VRK1: variants seen among roughly 807,000 people sequenced by gnomAD.
The protein encoded by VRK1 is serine/threonine-protein kinase VRK1.
Under a neutral mutation model 57.1 loss-of-function variants are expected in VRK1, and 33 were observed. The ratio of observed to expected loss-of-function variants is 0.58; its 90% CI spans 0.44 to 0.77. The LOEUF is 0.77. VRK1 is among the 30% of genes least tolerant of loss of function. VRK1 has a pLI of 0.00. For missense variants in VRK1, 413 were observed against 477.3 expected (o/e 0.87, Z 1.25); for synonymous variants, 137 against 147.8 (o/e 0.93, Z 0.53).
At chr14:96,876,877 A>G (rs1196416521) in intron 12 of VRK1, among the ~76,000 whole-genome samples, 1 of 152,050 alleles carries the variant, frequency 6.6e-6, no homozygotes, top group Non-Finnish European at 1.5e-5. Flanking sequence ...CAATAGTTCC[A>G]GAAATGACAT....
At chr14:96,859,264 GTAGT>G (rs79323730) in intron 10 of VRK1, among the ~76,000 whole-genome samples, 27,847 of 151,928 alleles carry the variant, frequency 0.18, 3,203 homozygotes, top group Non-Finnish European at 0.26. Context: ...ACTAGTTCTA[GTAGT>G]TCTTTGTAGA....
At chr14:96,819,273 T>G (rs1038905709) in intron 1 of VRK1, among the ~76,000 whole-genome samples, 3 of 152,216 alleles carry the variant, frequency 2.0e-5, no homozygotes, top group African/African-American at 7.2e-5. Context: ...ATGAATTTAT[T>G]TTTTACCCAA....
In VRK1 at chr14:96,855,364, A is replaced by C. The variant is rs1444299887; in HGVS notation, c.709+8A>C. 6.2e-7 allele frequency: 1 copy of C among 1,614,038 alleles called. No individual in the cohort carries two copies. Among genetic ancestry groups the C allele is most frequent in the East Asian group, 2.2e-5 (1 of 44,866 alleles). On this transcript the variant is annotated splice_region_variant and intron_variant, in intron 8 of 12. Coordinates refer to ENST00000216639, the MANE Select transcript of VRK1 (RefSeq NM_003384.3). ...ATGCACACAATGGCGTGGGTATGTC[A>C]GTAGTACTGGAGTGAGAAATAGACT... is the stretch of plus-strand genomic sequence containing the variant.
chr14:96,854,111 T>G (rs1314099871), intron 7 of VRK1, among the ~76,000 whole-genome samples: 1 of 152,142 alleles, frequency 6.6e-6, no homozygotes, highest in Non-Finnish European at 1.5e-5. Flanking sequence ...ACTATACTAT[T>G]AAGATAGTGT....
chr14:96,822,486 C>T (rs1388121185), intron 1 of VRK1, among the ~76,000 whole-genome samples: 1 of 152,166 alleles, frequency 6.6e-6, no homozygotes, highest in East Asian at 1.9e-4. Context: ...CTATTCTCTA[C>T]TTTTTAGGCA....
At chr14:96,859,661 TTG>T (rs746643098) in intron 10 of VRK1, among the ~76,000 whole-genome samples, 11 of 151,514 alleles carry the variant, frequency 7.3e-5, no homozygotes, top group African/African-American at 1.5e-4. Context: ...ATGCACACGC[TTG>T]TGTGTGTGTG....
At chr14:96,878,228 A>G (rs1288364140) in intron 12 of VRK1, among the ~76,000 whole-genome samples, 1 of 152,254 alleles carries the variant, frequency 6.6e-6, no homozygotes, top group African/African-American at 2.4e-5. Flanking sequence ...GAAAAAGCCA[A>G]GAGTTCATGT....
At chr14:96,808,519 G>A (rs1296977291) in intron 1 of VRK1, among the ~76,000 whole-genome samples, 2 of 152,084 alleles carry the variant, frequency 1.3e-5, no homozygotes, top group African/African-American at 2.4e-5. Flanking sequence ...TCATTTTCTA[G>A]CCCTCAGAAG....
intron 7 of VRK1, among the ~76,000 whole-genome samples, chr14:96,854,905 T>G (rs889123816): frequency 5.9e-5 from 9 of 152,312 alleles, no homozygotes; most frequent in African/African-American, 1.9e-4. Context: ...TAAGATAAAG[T>G]ATAAAATGTA....
chr14:96,833,715 TG>T (rs1887104579), intron 2 of VRK1, 84 bp downstream of exon 2: 2 of 1,589,760 alleles, frequency 1.3e-6, no homozygotes, highest in Non-Finnish European at 8.6e-7. Context: ...TGAGCTGTTA[TG>T]GGATGTTCCT....
intron 10 of VRK1, among the ~76,000 whole-genome samples, chr14:96,859,745 T>C (rs1888309849): frequency 6.6e-6 from 1 of 152,160 alleles, no homozygotes; most frequent in South Asian, 2.1e-4. Context: ...ACTCAGATTT[T>C]GGCTTGAGGA....
At chr14:96,829,624 C>T (rs918865516) in intron 1 of VRK1, among the ~76,000 whole-genome samples, 9 of 152,144 alleles carry the variant, frequency 5.9e-5, no homozygotes, top group Admixed American at 3.3e-4. Context: ...AATAATATCA[C>T]ATAATTACTC....
chr14:96,863,971 C>T (rs931361118), intron 11 of VRK1, among the ~76,000 whole-genome samples: 2 of 152,138 alleles, frequency 1.3e-5, no homozygotes, highest in African/African-American at 4.8e-5. Context: ...TAGTTTCAGT[C>T]GGGTTGCCCT....
chr14:96,817,269 A>G (rs1326667199), intron 1 of VRK1, among the ~76,000 whole-genome samples: 1 of 151,910 alleles, frequency 6.6e-6, no homozygotes, highest in Non-Finnish European at 1.5e-5. Context: ...GTTGGGCTTT[A>G]GTCTTATAAT....
intron 1 of VRK1, among the ~76,000 whole-genome samples, chr14:96,815,311 A>G (rs978523070): frequency 1.3e-5 from 2 of 152,174 alleles, no homozygotes; most frequent in Non-Finnish European, 2.9e-5. Context: ...GGTGTATAAT[A>G]TTCTATCTCT....
intron 1 of VRK1, among the ~76,000 whole-genome samples, chr14:96,830,047 A>T (rs1158475304): frequency 7.5e-6 from 1 of 133,706 alleles, no homozygotes; most frequent in Non-Finnish European, 1.7e-5. Flanking sequence ...TAAATATGTT[A>T]CTTTTTTTCC....
At chr14:96,829,542 CTATCTTT>C (rs1339907614) in intron 1 of VRK1, among the ~76,000 whole-genome samples, 1 of 152,102 alleles carries the variant, frequency 6.6e-6, no homozygotes, top group Non-Finnish European at 1.5e-5. Context: ...TTTACCTATT[CTATCTTT>C]TATCTCTGTC....
chr14:96,843,489 T>G (rs1887551897), intron 3 of VRK1, among the ~76,000 whole-genome samples: 1 of 152,194 alleles, frequency 6.6e-6, no homozygotes, highest in Non-Finnish European at 1.5e-5. Flanking sequence ...TATATCATAA[T>G]TTTTTGGTAG....
chr14:96,815,316 A>G (rs1037859032), intron 1 of VRK1, among the ~76,000 whole-genome samples: 2 of 152,214 alleles, frequency 1.3e-5, no homozygotes, highest in Non-Finnish European at 2.9e-5. Flanking sequence ...ATAATATTCT[A>G]TCTCTCATCT....
Sources: allele counts gnomAD v4.1 joint callset (sites outside exome capture counted in the v4.1 genomes callset), GRCh38; gene constraint gnomAD v4.1.1; transcripts MANE v1.5; gene names NCBI Gene and HGNC (gene_info 2026-07-23, HGNC 2026-07-21).